The following CFAP54 variants were observed in gnomAD, a reference collection of about 807,000 sequenced individuals.
CFAP54 encodes the protein cilia and flagella associated protein 54.
A neutral mutation model predicts 370.4 loss-of-function variants in CFAP54; 290 were observed. That is an observed-to-expected ratio of 0.78 (90% CI 0.71 to 0.86). The LOEUF is 0.86. CFAP54 is among the 40% of genes least tolerant of loss of function. CFAP54 has a pLI of 0.00. For synonymous variants in CFAP54, 1,206 were observed against 1,236.5 expected (o/e 0.98, Z 0.52); for missense variants, 3,399 against 3,528.7 (o/e 0.96, Z 0.93).
intron 64 of CFAP54, among the ~76,000 whole-genome samples, chr12:96,816,107 A>G (rs965582676): frequency 1.3e-5 from 2 of 152,136 alleles, no homozygotes; most frequent in East Asian, 1.9e-4. Flanking sequence ...AAGAAAGTCA[A>G]TGGTAGCTTG....
chr12:96,658,146 A>G lies in CFAP54; in HGVS notation c.5324+41A>G. 3 of 1,537,942 alleles carry G rather than the reference A, an allele frequency of 2.0e-6. 1 individual carries two copies. In the South Asian group the frequency reaches 3.6e-5, roughly 19 times the overall value. The stretch of plus-strand genomic sequence containing the variant: ...AGGGCAATTAAAAGTAGAAGACTTC[A>G]TTGAAAAAAAAAAAAGTCTTTTAAC... On this transcript the variant is annotated intron_variant, in intron 37 of 67. Transcript: ENST00000524981.
At chr12:96,721,922 AC>A (rs2136611096) in intron 50 of CFAP54, among the ~76,000 whole-genome samples, 1 of 152,312 alleles carries the variant, frequency 6.6e-6, no homozygotes, top group East Asian at 1.9e-4. Flanking sequence ...GGGACGAGTT[AC>A]CATTTTAAAA....
intron 48 of CFAP54, among the ~76,000 whole-genome samples, chr12:96,709,701 T>TTTC (rs145639086): frequency 6.9e-6 from 1 of 144,072 alleles, no homozygotes; most frequent in East Asian, 2.0e-4. Context: ...TTGATCATGG[T>TTTC]TTATTATTAT....
At chr12:96,634,919 G>T (rs1956647763) in intron 32 of CFAP54, among the ~76,000 whole-genome samples, 1 of 152,112 alleles carries the variant, frequency 6.6e-6, no homozygotes, top group African/African-American at 2.4e-5. Flanking sequence ...TCTGAGTTCT[G>T]TATTCTGTTC....
Position 96,651,654 on chromosome 12 carries a change from A to T in CFAP54, c.4939A>T (p.Thr1647Ser). Residue 1647 changes from threonine (T) to serine (S), a missense_variant, in exon 36 of 68, where the codon ACT (threonine) becomes TCT (serine). By Grantham distance (58) the Thr-to-Ser change is moderately conservative. Around this residue, in one of 3 missense-constraint regions of CFAP54, gnomAD observed 2,796 missense variants for 2,869.7 expected, o/e 0.97. Transcript: ENST00000524981. The part of the protein sequence containing the change: ...QNCCRALWNF[T>S]QELQILLKQA... ...CTGCTGTCGGGCCTTATGGAACTTT[A>T]CTCAGGAACTACAAATACTTCTTAA... 6.2e-7 allele frequency: 1 copy of T among 1,614,094 alleles called. No homozygotes were observed. Among genetic ancestry groups the T allele is most frequent in the Non-Finnish European group, 8.5e-7 (1 of 1,180,006 alleles).
chr12:96,851,560 G>A (rs1040884769), intron 66 of CFAP54, among the ~76,000 whole-genome samples: 33 of 151,872 alleles, frequency 2.2e-4, no homozygotes, highest in Admixed American at 1.4e-3. Context: ...AAACCCAAGC[G>A]TTTTTAGAAA....
At chr12:96,761,357 A>G (rs1179329410) in intron 58 of CFAP54, among the ~76,000 whole-genome samples, 3 of 152,112 alleles carry the variant, frequency 2.0e-5, no homozygotes, top group African/African-American at 7.2e-5. Context: ...TTTTTTAAAA[A>G]TATATGTATT....
intron 50 of CFAP54, among the ~76,000 whole-genome samples, chr12:96,730,278 C>G (rs538470206): frequency 6.6e-6 from 1 of 152,218 alleles, no homozygotes; most frequent in Non-Finnish European, 1.5e-5. Context: ...AGAGGCATAC[C>G]CTGAACAGTC....
intron 60 of CFAP54, among the ~76,000 whole-genome samples, chr12:96,782,426 A>G (rs1203784735): frequency 6.6e-6 from 1 of 152,180 alleles, no homozygotes. Flanking sequence ...CAAGAAGTAC[A>G]GGCAATAAAA....
chr12:96,869,933 CAAAAAA>C (rs760992300), intron 67 of CFAP54, among the ~76,000 whole-genome samples: 1 of 36,860 alleles, frequency 2.7e-5, no homozygotes, highest in African/African-American at 9.5e-5. Flanking sequence ...AAAACTCCGT[CAAAAAA>C]AAAAAAAAAA....
intron 63 of CFAP54, among the ~76,000 whole-genome samples, chr12:96,801,814 G>T (rs1448015015): frequency 6.6e-6 from 1 of 152,178 alleles, no homozygotes; most frequent in Non-Finnish European, 1.5e-5. Flanking sequence ...AACTAATTTG[G>T]AGGGAATCAT....
At chr12:96,500,745 C>A in intron 1 of CFAP54, 89 bp from the exon 2 acceptor site, 2 of 794,530 alleles carry the variant, frequency 2.5e-6, no homozygotes, top group South Asian at 1.8e-5. Flanking sequence ...AAGGCTTTAG[C>A]ATAAGGTAAG....
intron 60 of CFAP54, among the ~76,000 whole-genome samples, chr12:96,780,922 C>T (rs1958573916): frequency 6.6e-6 from 1 of 152,136 alleles, no homozygotes; most frequent in African/African-American, 2.4e-5. Flanking sequence ...AATGACCAAT[C>T]AAGTACAAGG....
intron 50 of CFAP54, among the ~76,000 whole-genome samples, chr12:96,729,462 A>C (rs7295587): frequency 1.3e-5 from 2 of 152,254 alleles, no homozygotes; most frequent in Non-Finnish European, 1.5e-5. Flanking sequence ...GCAAGATTCC[A>C]TGGGCGTGGG....
chr12:96,802,592 G>A (rs1023007338), intron 63 of CFAP54, among the ~76,000 whole-genome samples: 1 of 152,160 alleles, frequency 6.6e-6, no homozygotes, highest in Non-Finnish European at 1.5e-5. Flanking sequence ...CTAGGGGCTT[G>A]AGAACCTGCC....
intron 60 of CFAP54, among the ~76,000 whole-genome samples, chr12:96,782,943 A>G (rs1455839369): frequency 6.6e-6 from 1 of 152,220 alleles, no homozygotes; most frequent in Non-Finnish European, 1.5e-5. Context: ...TAGAATAGAT[A>G]TATAAATTGT....
intron 64 of CFAP54, among the ~76,000 whole-genome samples, chr12:96,813,849 C>T (rs1958949843): frequency 6.6e-6 from 1 of 152,168 alleles, no homozygotes; most frequent in South Asian, 2.1e-4. Flanking sequence ...GTTTAAAAAG[C>T]TGGAACAGGC....
intron 66 of CFAP54, among the ~76,000 whole-genome samples, chr12:96,836,976 T>C (rs1015877922): frequency 6.6e-6 from 1 of 152,168 alleles, no homozygotes; most frequent in African/African-American, 2.4e-5. Context: ...TATAGGCACA[T>C]GCCACCATGC....
intron 32 of CFAP54, among the ~76,000 whole-genome samples, chr12:96,634,617 A>C (rs1014717576): frequency 3.3e-5 from 5 of 151,986 alleles, no homozygotes; most frequent in African/African-American, 1.2e-4. Context: ...CAGCTTATCA[A>C]TTTTTCCTTT....
Sources: allele counts gnomAD v4.1 joint callset (sites outside exome capture counted in the v4.1 genomes callset), GRCh38; gene constraint gnomAD v4.1.1; regional missense constraint gnomAD v4.1.1; transcripts MANE v1.5; gene names NCBI Gene and HGNC (gene_info 2026-07-23, HGNC 2026-07-21).